The following ELN variants were observed in gnomAD, a reference collection of about 807,000 sequenced individuals.
The protein encoded by ELN is elastin.
A neutral mutation model predicts 105.8 loss-of-function variants in ELN; 65 were observed. The observed-to-expected ratio is 0.61, with a 90% CI of 0.50 to 0.75. ELN has a LOEUF of 0.75. Among genes scored for constraint, ELN ranks in the 30% least tolerant of loss-of-function variants. The pLI is 0.00. For synonymous variants in ELN, 368 were observed against 389.2 expected (o/e 0.95, Z 0.64); for missense variants, 882 against 969.4 (o/e 0.91, Z 1.20).
chr7:74,053,689 T>C (rs1269526096), intron 18 of ELN, among the ~76,000 whole-genome samples: 2 of 151,494 alleles, frequency 1.3e-5, no homozygotes, highest in Non-Finnish European at 2.9e-5. Context: ...AATGGATGGA[T>C]AGATGGGTGG....
At chr7:74,036,852 G>A (rs782740723) in intron 3 of ELN, among the ~76,000 whole-genome samples, 4 of 152,086 alleles carry the variant, frequency 2.6e-5, no homozygotes, top group African/African-American at 4.8e-5. Flanking sequence ...ACAGAGTCTC[G>A]TTCTGTCGCC....
chr7:74,036,669 G>GGGAGACCCGAGCATCAA lies in ELN; in HGVS notation c.163+89_163+105dup, dbSNP rs1348444913. ...ATGCATCCTCAGACCTGAGAACCCT[G>GGGAGACCCGAGCATCAA]GGAGACCCGAGCATCAAGGACTCCC... On this transcript the variant is annotated intron_variant, in intron 3 of 32. Coordinates refer to ENST00000252034, the MANE Select transcript of ELN (RefSeq NM_000501.4). 1.1e-5 allele frequency: 18 copies of GGGAGACCCGAGCATCAA among 1,593,192 alleles called. No homozygotes were observed. The Admixed American group carries it at 2.3e-4, about 21-fold the overall frequency.
intron 21 of ELN, 25 bp from the exon 22 acceptor site, chr7:74,057,615 T>A: frequency 6.2e-7 from 1 of 1,612,774 alleles, no homozygotes; most frequent in Non-Finnish European, 8.5e-7. Context: ...GATTACTCTC[T>A]CACCCCTTCT....
intron 22 of ELN, chr7:74,059,644 A>G: frequency 1.7e-6 from 1 of 603,022 alleles, no homozygotes; most frequent in South Asian, 2.0e-5. Context: ...AGATCACGCC[A>G]TTGCACTCCA....
intron 4 of ELN, among the ~76,000 whole-genome samples, chr7:74,038,664 A>C (rs781785271): frequency 6.6e-6 from 1 of 152,188 alleles, no homozygotes; most frequent in East Asian, 1.9e-4. Flanking sequence ...GACGCTCCAC[A>C]TGTGACTTTG....
intron 4 of ELN, chr7:74,037,958 T>C (rs1790370547): frequency 8.2e-6 from 5 of 611,124 alleles, no homozygotes; most frequent in South Asian, 5.7e-5. Context: ...AGCAGCTCCA[T>C]GTCCTCCCTG....
chr7:74,057,792 A>G, intron 22 of ELN, 96 bp downstream of exon 22: 1 of 1,415,850 alleles, frequency 7.1e-7, no homozygotes, highest in Non-Finnish European at 9.9e-7. Context: ...GTTCCTTTCC[A>G]CCCCACTTAA....
intron 17 of ELN, chr7:74,052,908 A>AAAGG (rs1414645483): frequency 1.8e-6 from 1 of 557,050 alleles, no homozygotes; most frequent in African/African-American, 1.9e-5. Context: ...AAAGAAAGAG[A>AAAGG]AAGGAAGGAA....
intron 31 of ELN, 33 bp from the exon 32 acceptor site, chr7:74,066,699 T>C (rs1798034289): frequency 8.1e-6 from 13 of 1,613,492 alleles, no homozygotes; most frequent in Non-Finnish European, 1.0e-5. Flanking sequence ...TTTCCACCCC[T>C]ACCAACCCAC....
In ELN at chr7:74,046,132, G is replaced by A. The variant is rs1792449243; in HGVS notation, c.542-56G>A. The A allele has an allele frequency of 2.5e-6, 4 of 1,612,740 alleles. No individual in the cohort carries two copies. In the African/African-American group the frequency reaches 4.0e-5, roughly 16 times the overall value. ...TTGGGCCTCCTGGCCCCTTGGTGCT[G>A]TCTGGCCCAGTGTCCACAGTTCCAG... On this transcript the variant is annotated intron_variant, in intron 10 of 32. Coordinates refer to ENST00000252034, the MANE Select transcript of ELN (RefSeq NM_000501.4).
Position 74,056,386 on chromosome 7 carries a change from T to TGTTCCCGGA in ELN, c.1268_1269insTCCCGGAGT (p.Pro421_Val423dup), listed in dbSNP as rs782701139. 1 of 1,613,642 alleles carries TGTTCCCGGA rather than the reference T, an allele frequency of 6.2e-7. No individual in the cohort carries two copies. The highest frequency in any genetic ancestry group is 1.1e-5 in the South Asian group (1 of 91,066). On this transcript the variant is annotated inframe_insertion, in exon 20 of 33. Coordinates refer to ENST00000252034, the MANE Select transcript of ELN (RefSeq NM_000501.4). ...TCCCTGGAGTCGCAGGTGTCCCTGG[T>TGTTCCCGGA]GTCGGAGGTGTTCCCGGAGTCGGAG...
intron 29 of ELN, among the ~76,000 whole-genome samples, chr7:74,065,074 C>G (rs1457225506): frequency 1.3e-5 from 2 of 151,400 alleles, no homozygotes; most frequent in South Asian, 4.2e-4. Flanking sequence ...GACCCCCCCC[C>G]ACCACCACCT....
chr7:74,045,149 C>G, intron 9 of ELN, 73 bp from the exon 10 acceptor site: 9 of 1,579,938 alleles, frequency 5.7e-6, no homozygotes, highest in Non-Finnish European at 7.8e-6. Context: ...CTGGGGGACC[C>G]GAGGAGGGGA....
intron 21 of ELN, chr7:74,057,396 G>C (rs782555567): frequency 1.3e-6 from 2 of 1,506,486 alleles, no homozygotes; most frequent in Non-Finnish European, 1.8e-6. Context: ...TGCAGGAGCA[G>C]GAGTGCTGGG....
chr7:74,052,061 T>C, intron 17 of ELN, 78 bp downstream of exon 17: 1 of 1,560,242 alleles, frequency 6.4e-7, no homozygotes, highest in Non-Finnish European at 8.8e-7. Context: ...CAAAGCCAGA[T>C]GGACTTGGCC....
intron 13 of ELN, 81 bp downstream of exon 13, chr7:74,047,797 C>G: frequency 1.3e-6 from 2 of 1,599,868 alleles, no homozygotes; most frequent in Non-Finnish European, 1.7e-6. Context: ...GCTTCCAGCC[C>G]TGGGCCAGGA....
At chr7:74,057,556 CA>C in intron 21 of ELN, 83 bp from the exon 22 acceptor site, 1 of 1,604,768 alleles carries the variant, frequency 6.2e-7, no homozygotes, top group Non-Finnish European at 8.5e-7. Flanking sequence ...CACCATTTTA[CA>C]AATGGGAAGA....
chr7:74,048,115 T>G, intron 13 of ELN, 27 bp from the exon 14 acceptor site: 6 of 1,613,810 alleles, frequency 3.7e-6, no homozygotes, highest in Non-Finnish European at 5.1e-6. Context: ...TCTGCACAGA[T>G]GACCATCAAG....
At chr7:74,050,778 G>T (rs551423020) in intron 15 of ELN, among the ~76,000 whole-genome samples, 7 of 152,268 alleles carry the variant, frequency 4.6e-5, no homozygotes, top group Admixed American at 3.9e-4. Flanking sequence ...CAAGAAACGG[G>T]AGGCATTTTT....
Sources: gnomAD v4.1 joint callset for allele counts (sites outside exome capture counted in the v4.1 genomes callset) on GRCh38, gnomAD v4.1.1 for gene constraint, MANE v1.5 for transcripts, NCBI Gene and HGNC (gene_info 2026-07-23, HGNC 2026-07-21) for gene names.